The following SLC25A30 variants were observed in gnomAD, a reference collection of about 807,000 sequenced individuals.
SLC25A30 encodes solute carrier family 25 member 30.
In SLC25A30, 29 loss-of-function variants were observed where a neutral mutation model predicts 42.7. The ratio of observed to expected loss-of-function variants is 0.68; its 90% confidence interval spans 0.51 to 0.93. The LOEUF (loss-of-function observed/expected upper bound fraction) is 0.93. SLC25A30 is among the 40% of genes least tolerant of loss of function. SLC25A30 has a pLI of 0.00. For missense variants in SLC25A30, 300 were observed against 359.7 expected (o/e 0.83, Z 1.34); for synonymous variants, 124 against 131.0 (o/e 0.95, Z 0.37).
chr13:45,424,590 T>TATATAA, the SLC25A30 span, among the ~76,000 whole-genome samples: 61 of 54,304 alleles, frequency 1.1e-3, no homozygotes, highest in Non-Finnish European at 1.3e-3. Context: ...TATATATAAA[T>TATATAA]ATATATAAAT....
chr13:45,423,567 A>C, the SLC25A30 span, among the ~76,000 whole-genome samples: 24 of 101,502 alleles, frequency 2.4e-4, 5 homozygotes, highest in Admixed American at 1.2e-3. Flanking sequence ...AAAAATATAT[A>C]AATATATATA....
the SLC25A30 span, among the ~76,000 whole-genome samples, chr13:45,425,595 T>C: frequency 1.2e-4 from 6 of 49,612 alleles, 2 homozygotes; most frequent in South Asian, 7.2e-4. Flanking sequence ...AATATATATA[T>C]ACATATATAT....
At chr13:45,400,348 G>A (rs909205969) in intron 7 of SLC25A30, among the ~76,000 whole-genome samples, 11 of 150,402 alleles carry the variant, frequency 7.3e-5, no homozygotes, top group African/African-American at 2.2e-4. Flanking sequence ...CTTGAGCCCA[G>A]GAGGTAGAGG....
the SLC25A30 span, among the ~76,000 whole-genome samples, chr13:45,424,140 TAA>T: frequency 2.3e-3 from 161 of 70,772 alleles, 1 homozygote; most frequent in African/African-American, 9.0e-3. Context: ...TATAAATATA[TAA>T]ATATAAGTAT....
chr13:45,414,635 TACACACACACACACACAC>T (rs145462442), intron 1 of SLC25A30, among the ~76,000 whole-genome samples: 1 of 139,908 alleles, frequency 7.1e-6, no homozygotes, highest in Non-Finnish European at 1.6e-5. Context: ...CACACACACA[TACACACACACACACACAC>T]ACACACACAC....
chr13:45,398,754 ATAAAG>A, intron 8 of SLC25A30, 181 bp downstream of exon 8: 1 of 498,262 alleles, frequency 2.0e-6, no homozygotes, highest in Non-Finnish European at 3.5e-6. Context: ...AGATGGAGGT[ATAAAG>A]AAAACAACAT....
At position 45,408,974 on chromosome 13, in the gene SLC25A30, T is replaced by TATTA; in HGVS notation, c.164_165insTAAT (p.Leu56AsnfsTer45). 6.2e-7 allele frequency: 1 copy of TATTA among 1,613,548 alleles called. No individual in the cohort carries two copies. Among genetic ancestry groups the TATTA allele is most frequent in the South Asian group, 1.1e-5 (1 of 90,922 alleles). On this transcript the variant is annotated frameshift_variant, in exon 3 of 10. Coordinates refer to ENST00000519676, the MANE Select transcript of SLC25A30 (RefSeq NM_001010875.4). LOFTEE classifies it high-confidence loss of function. ...CTTCTTCTCTGCCTATCCTCACTAA[T>TATTA]GCGTGCAACATTCCTCGGTATCTAA...
At position 45,395,134 on chromosome 13, in the gene SLC25A30, C is replaced by T; in HGVS notation, c.*840G>A. Reference sequence around the variant, plus strand: ...CAAGTAGCAGCAGCTACTATTTGTTCTTCATTTGACCCTCTACATCAATAG... The same window carrying T: ...CAAGTAGCAGCAGCTACTATTTGTTTTTCATTTGACCCTCTACATCAATAG... On this transcript the variant is annotated 3_prime_UTR_variant, in exon 10 of 10. Coordinates refer to ENST00000519676, the MANE Select transcript of SLC25A30 (RefSeq NM_001010875.4). 3 of 985,426 alleles carry T rather than the reference C, an allele frequency of 3.0e-6. No homozygotes were observed. Among genetic ancestry groups the T allele is most frequent in the South Asian group, 9.4e-5 (2 of 21,292 alleles). The allele number at this position is 985,426 out of a possible 1,614,324, so 61.0% of individuals were successfully genotyped here.
the SLC25A30 span, among the ~76,000 whole-genome samples, chr13:45,423,769 A>ATATATAAATATATATAAAT: frequency 3.5e-5 from 2 of 56,488 alleles, no homozygotes; most frequent in African/African-American, 7.9e-5. Flanking sequence ...AATATATAAA[A>ATATATAAATATATATAAAT]ATATATAAAT....
the SLC25A30 span, among the ~76,000 whole-genome samples, chr13:45,424,425 G>A: frequency 0.51 from 25,139 of 49,104 alleles, 5,929 homozygotes; most frequent in African/African-American, 0.57. Flanking sequence ...ATAAATATAT[G>A]AATATATATA....
At chr13:45,399,772 G>T (rs1329336370) in intron 7 of SLC25A30, among the ~76,000 whole-genome samples, 2 of 151,738 alleles carry the variant, frequency 1.3e-5, no homozygotes, top group Non-Finnish European at 2.9e-5. Flanking sequence ...TCATTTCCTA[G>T]ATATCAAAGA....
Position 45,401,187 on chromosome 13 carries a change from C to T in SLC25A30, c.510G>A (p.Gln170=). 2 of 1,614,026 alleles carry T rather than the reference C, an allele frequency of 1.2e-6. No individual in the cohort carries two copies. Among genetic ancestry groups the T allele is most frequent in the Non-Finnish European group, 1.7e-6 (2 of 1,179,988 alleles). Residue 170 remains glutamine, a synonymous_variant, in exon 7 of 10, where the codon CAG becomes CAA. Coordinates refer to ENST00000519676, the MANE Select transcript of SLC25A30 (RefSeq NM_001010875.4). ...CCACACCAACAACAATAGCAGCCCT[C>T]TGCGCAGTAAGGGACACACCCTGGG... ...GLWKGVSLTA[Q]RAAIVVGVEL...
chr13:45,428,714 G>C, the SLC25A30 span, among the ~76,000 whole-genome samples: 1 of 150,524 alleles, frequency 6.6e-6, no homozygotes, highest in Non-Finnish European at 1.5e-5. Context: ...GTAGAGACAG[G>C]GTTTCACCAT....
the SLC25A30 span, among the ~76,000 whole-genome samples, chr13:45,433,292 G>A: frequency 2.0e-5 from 3 of 152,166 alleles, no homozygotes; most frequent in South Asian, 2.1e-4. Context: ...GGCACTTCAT[G>A]CTGAGAGGTT....
Position 45,411,636 on chromosome 13 carries a change from C to T in SLC25A30, c.-55-156G>A. 2 of 556,808 alleles carry T rather than the reference C, an allele frequency of 3.6e-6. 1 individual carries two copies. Among genetic ancestry groups the T allele is most frequent in the South Asian group, 4.1e-5 (2 of 48,838 alleles). The allele number at this position is 556,808 out of a possible 1,614,324, so 34.5% of individuals were successfully genotyped here. A position where few individuals can be genotyped will look rare whatever the true frequency, so the allele number is the denominator to read the frequency against. ...CTCCCCTTAATAAAGCAAAGCACCC[C>T]TATTTCCTCAACCTCAAATCAACAA... On this transcript the variant is annotated intron_variant, in intron 1 of 9. Transcript: ENST00000519676.
At chr13:45,424,792 G>A in the SLC25A30 span, among the ~76,000 whole-genome samples, 6,489 of 33,838 alleles carry the variant, frequency 0.19, 1,561 homozygotes, top group African/African-American at 0.48. Context: ...ATATATAAAA[G>A]AATATAAATA....
the SLC25A30 span, among the ~76,000 whole-genome samples, chr13:45,424,770 A>G: frequency 2.0e-5 from 1 of 50,688 alleles, no homozygotes; most frequent in Non-Finnish European, 3.4e-5. Context: ...ATATATAAAT[A>G]TATATATATA....
Position 45,394,244 on chromosome 13 carries a change from C to T in SLC25A30, c.*1730G>A, listed in dbSNP as rs1406239474. 11 of 681,358 alleles carry T rather than the reference C, an allele frequency of 1.6e-5. No homozygotes were observed. The highest frequency in any genetic ancestry group is 2.0e-5 in the African/African-American group (1 of 49,726). 42.2% of individuals were successfully genotyped at this position (681,358 alleles called of 1,614,324 possible). A position where few individuals can be genotyped will look rare whatever the true frequency, so the allele number is the denominator to read the frequency against. On this transcript the variant is annotated 3_prime_UTR_variant, in exon 10 of 10. Coordinates refer to ENST00000519676, the MANE Select transcript of SLC25A30 (RefSeq NM_001010875.4). ...TAACAGGTAACCCTACCCCACTGCACCCCGCCCCCGCCCCCACCTTCTGTT... is the reference window on the plus strand; with the variant it reads ...TAACAGGTAACCCTACCCCACTGCATCCCGCCCCCGCCCCCACCTTCTGTT...
At chr13:45,397,741 TA>T (rs1881504658) in intron 8 of SLC25A30, 2 of 228,480 alleles carry the variant, frequency 8.8e-6, no homozygotes, top group African/African-American at 4.7e-5. Flanking sequence ...TTATTTTTCT[TA>T]AAAATAAAAT....
Sources: allele counts gnomAD v4.1 joint callset (sites outside exome capture counted in the v4.1 genomes callset), GRCh38; gene constraint gnomAD v4.1.1; transcripts MANE v1.5; gene names NCBI Gene and HGNC (gene_info 2026-07-23, HGNC 2026-07-21).